STXBP4: variants seen among roughly 807,000 people sequenced by gnomAD.
STXBP4 encodes syntaxin binding protein 4, also known as syntaxin-binding protein 4.
A neutral mutation model predicts 76.1 loss-of-function variants in STXBP4; 55 were observed. The ratio of observed to expected loss-of-function variants is 0.72; its 90% CI spans 0.58 to 0.91. The LOEUF (loss-of-function observed/expected upper bound fraction) is 0.91, where lower values mean the gene tolerates loss of function less well. Among genes scored for constraint, STXBP4 ranks in the 40% least tolerant of loss-of-function variants. STXBP4 has a pLI of 0.00. For missense variants in STXBP4, 618 were observed against 636.9 expected (o/e 0.97, Z 0.32); for synonymous variants, 201 against 220.2 (o/e 0.91, Z 0.77).
At chr17:55,130,690 C>T (rs2787490) in intron 16 of STXBP4, among the ~76,000 whole-genome samples, 97,044 of 152,084 alleles carry the variant, frequency 0.64, 31,835 homozygotes, top group African/African-American at 0.79. Flanking sequence ...CCCTCCCCAC[C>T]TGCCTCTGGT....
intron 10 of STXBP4, among the ~76,000 whole-genome samples, chr17:55,042,850 CA>C (rs2078727002): frequency 6.6e-6 from 1 of 152,068 alleles, no homozygotes; most frequent in Admixed American, 6.5e-5. Context: ...TTATAATGTA[CA>C]GCATTTTGTT....
intron 16 of STXBP4, among the ~76,000 whole-genome samples, chr17:55,136,696 G>A (rs1421484961): frequency 1.3e-5 from 2 of 152,088 alleles, no homozygotes; most frequent in African/African-American, 4.8e-5. Flanking sequence ...ACCCCCAATA[G>A]CTGGTTGTTA....
At chr17:54,980,318 AT>A (rs2077532371) in intron 1 of STXBP4, among the ~76,000 whole-genome samples, 1 of 152,218 alleles carries the variant, frequency 6.6e-6, no homozygotes, top group Non-Finnish European at 1.5e-5. Context: ...ATAAAAAAAA[AT>A]AATACCTAGG....
intron 16 of STXBP4, among the ~76,000 whole-genome samples, chr17:55,100,967 C>T (rs1176676383): frequency 6.6e-6 from 1 of 152,146 alleles, no homozygotes; most frequent in African/African-American, 2.4e-5. Context: ...CCAGTCAAGC[C>T]TCAGATGAGA....
intron 7 of STXBP4, among the ~76,000 whole-genome samples, chr17:55,005,097 T>C (rs2077984706): frequency 6.6e-6 from 1 of 152,212 alleles, no homozygotes; most frequent in Non-Finnish European, 1.5e-5. Context: ...TGAAGGTTAG[T>C]GTAATTTTAC....
chr17:55,200,702 C>G, the STXBP4 span, among the ~76,000 whole-genome samples: 1 of 152,132 alleles, frequency 6.6e-6, no homozygotes, highest in East Asian at 1.9e-4. Context: ...TACTCTTTGC[C>G]AAAGTCTGGA....
chr17:55,129,752 A>T (rs2079954561), intron 16 of STXBP4, among the ~76,000 whole-genome samples: 1 of 152,206 alleles, frequency 6.6e-6, no homozygotes, highest in South Asian at 2.1e-4. Context: ...AAAATAAATA[A>T]TAGGAGCATT....
intron 17 of STXBP4, among the ~76,000 whole-genome samples, chr17:55,158,067 A>G (rs1036587453): frequency 1.3e-5 from 2 of 152,154 alleles, no homozygotes; most frequent in Admixed American, 1.3e-4. Flanking sequence ...ACATTGATTA[A>G]TTGATTGATG....
the STXBP4 span, among the ~76,000 whole-genome samples, chr17:55,210,001 CGTGTGCACACACATGTGCAT>C: frequency 5.9e-5 from 9 of 152,254 alleles, no homozygotes; most frequent in East Asian, 1.4e-3. Flanking sequence ...CATGTTCATG[CGTGTGCACACACATGTGCAT>C]GTGTGCATGC....
Position 54,999,743 on chromosome 17 carries a change from A to C in STXBP4, c.399A>C (p.Gln133His). ...AAGCTTCAGGAGAATATGGACCTCA[A>C]GCCTCAACATTAAGTCTTTTTTCTT... ...LIEASGEYGP[Q>H]ASTLSLFSSP... is the part of the protein sequence containing the mutation. Residue 133 changes from glutamine to histidine, a missense_variant, in exon 6 of 18, where the codon CAA (glutamine) becomes CAC (histidine). By Grantham distance (24) the Gln-to-His change is conservative. Coordinates refer to ENST00000376352, the MANE Select transcript of STXBP4 (RefSeq NM_178509.6). 1 of 1,613,700 alleles carries C rather than the reference A, an allele frequency of 6.2e-7. No homozygotes were observed. Among genetic ancestry groups the C allele is most frequent in the Non-Finnish European group, 8.5e-7 (1 of 1,179,770 alleles).
chr17:55,164,577 A>C lies in STXBP4; in HGVS notation c.*4666A>C, dbSNP rs1482667874. Reference sequence around the variant, plus strand: ...GCCATTCTCCTGCCTCAGCCTCCCGAGTAGCTGGGACTACAGGCGCCCGCC... The same window carrying C: ...GCCATTCTCCTGCCTCAGCCTCCCGCGTAGCTGGGACTACAGGCGCCCGCC... On this transcript the variant is annotated 3_prime_UTR_variant, in exon 18 of 18. Coordinates refer to ENST00000376352, the MANE Select transcript of STXBP4 (RefSeq NM_178509.6). The C allele has an allele frequency of 2.0e-5, 3 of 148,854 alleles. No homozygotes were observed. 9.2% of individuals were successfully genotyped at this position (148,854 alleles called of 1,614,324 possible).
At chr17:55,018,068 G>T (rs563336131) in intron 8 of STXBP4, among the ~76,000 whole-genome samples, 2 of 152,058 alleles carry the variant, frequency 1.3e-5, no homozygotes, top group African/African-American at 4.8e-5. Context: ...GGCAAGCCTC[G>T]TGTTCTCTGA....
At chr17:55,016,626 T>C (rs571991155) in intron 8 of STXBP4, among the ~76,000 whole-genome samples, 1 of 152,338 alleles carries the variant, frequency 6.6e-6, no homozygotes, top group African/African-American at 2.4e-5. Context: ...TGAATACCCA[T>C]TGTGGCTTTT....
At chr17:55,104,151 T>C (rs2079600363) in intron 16 of STXBP4, among the ~76,000 whole-genome samples, 1 of 152,216 alleles carries the variant, frequency 6.6e-6, no homozygotes, top group Non-Finnish European at 1.5e-5. Flanking sequence ...TAGCCAGAAT[T>C]TCCAATATTA....
chr17:54,977,516 G>A (rs1472281913), intron 1 of STXBP4, among the ~76,000 whole-genome samples: 1 of 152,146 alleles, frequency 6.6e-6, no homozygotes, highest in Non-Finnish European at 1.5e-5. Context: ...TTATATCAGG[G>A]ACTTGAATAT....
intron 16 of STXBP4, among the ~76,000 whole-genome samples, chr17:55,123,691 G>A (rs1436479611): frequency 6.6e-6 from 1 of 152,006 alleles, no homozygotes; most frequent in African/African-American, 2.4e-5. Context: ...ATAAGGTCAG[G>A]AGATCGAGAC....
intron 8 of STXBP4, 40 bp from the exon 9 acceptor site, chr17:55,031,128 G>C: frequency 5.4e-6 from 8 of 1,479,956 alleles, no homozygotes; most frequent in Non-Finnish European, 7.5e-6. Context: ...ATTCTTTGGA[G>C]ATTTGAAAAA....
Position 55,073,022 on chromosome 17 carries a change from G to A in STXBP4, c.1134G>A (p.Glu378=), listed in dbSNP as rs201187290. 1.9e-6 allele frequency: 3 copies of A among 1,613,922 alleles called. No homozygotes were observed. Among genetic ancestry groups the A allele is most frequent in the Middle Eastern group, 1.7e-4 (1 of 6,058 alleles). ...ATGAAGAAGTGATCCGTCTGTTAGA[G>A]GCCAAGATTACAGAGCTAAAGGCTC... is the stretch of plus-strand genomic sequence containing the variant. ...MDYEEVIRLL[E]AKITELKAQL... is the part of the protein sequence containing the mutation. Residue 378 remains glutamate, a synonymous_variant, in exon 13 of 18, where the codon GAG becomes GAA. Transcript: ENST00000376352.
At chr17:55,075,030 TTA>T (rs2079163756) in intron 13 of STXBP4, among the ~76,000 whole-genome samples, 1 of 152,060 alleles carries the variant, frequency 6.6e-6, no homozygotes, top group South Asian at 2.1e-4. Flanking sequence ...AATTTTTTCT[TTA>T]TGTTATTTAT....
Sources: allele counts gnomAD v4.1 joint callset (sites outside exome capture counted in the v4.1 genomes callset), GRCh38; gene constraint gnomAD v4.1.1; transcripts MANE v1.5; gene names NCBI Gene and HGNC (gene_info 2026-07-23, HGNC 2026-07-21).